The following CAGE1 variants were observed in gnomAD, a reference collection of about 807,000 sequenced individuals.
CAGE1 encodes cancer-associated gene 1 protein.
CAGE1 carries 66 observed loss-of-function variants against 94.9 expected under a neutral mutation model. The ratio of observed to expected loss-of-function variants is 0.70; its 90% CI spans 0.57 to 0.85. The LOEUF is 0.85. Ranked by LOEUF, CAGE1 falls within the 40% of genes least tolerant of loss-of-function variation. The probability of loss-of-function intolerance (pLI) is 0.00; values close to 1 mark genes in which losing one functional copy is unlikely to be tolerated. For missense variants in CAGE1, 865 were observed against 950.4 expected, an observed-to-expected ratio of 0.91 and a Z score of 1.18; for synonymous variants, 319 against 321.0, an observed-to-expected ratio of 0.99 and a Z score of 0.07.
At chr6:7,388,917 C>T (rs1761234237) in intron 1 of CAGE1, among the ~76,000 whole-genome samples, 1 of 152,160 alleles carries the variant, frequency 6.6e-6, no homozygotes, top group Non-Finnish European at 1.5e-5. Context: ...GTTTGTGAAC[C>T]CAGCACTTCC....
At chr6:7,367,306 T>G (rs954603743) in intron 7 of CAGE1, among the ~76,000 whole-genome samples, 1 of 144,478 alleles carries the variant, frequency 6.9e-6, no homozygotes, top group Admixed American at 6.9e-5. Flanking sequence ...CTTTTTGTTG[T>G]TATTGTTTGT....
intron 9 of CAGE1, among the ~76,000 whole-genome samples, chr6:7,356,836 G>A (rs762021031): frequency 6.6e-6 from 1 of 151,934 alleles, no homozygotes; most frequent in African/African-American, 2.4e-5. Context: ...AGTCTCTGTC[G>A]CCAAGGTTGG....
chr6:7,344,492 G>A (rs1409432452), intron 11 of CAGE1, among the ~76,000 whole-genome samples: 9 of 152,250 alleles, frequency 5.9e-5, no homozygotes, highest in Admixed American at 5.2e-4. Context: ...CCATGCCTGA[G>A]CCTCGCAACC....
At chr6:7,369,792 C>G (rs952653958) in intron 6 of CAGE1, 127 bp downstream of exon 6, 2 of 930,266 alleles carry the variant, frequency 2.1e-6, no homozygotes, top group African/African-American at 1.7e-5. Flanking sequence ...GCTTAGGGGT[C>G]TGTATTTTAT....
intron 3 of CAGE1, among the ~76,000 whole-genome samples, chr6:7,380,369 G>T (rs367873867): frequency 9.2e-5 from 14 of 152,254 alleles, no homozygotes; most frequent in South Asian, 4.1e-4. Context: ...GGACGCAGTG[G>T]TTTACGCCTG....
intron 1 of CAGE1, 72 bp downstream of exon 1, chr6:7,389,130 G>A: frequency 2.6e-6 from 1 of 384,710 alleles, no homozygotes; most frequent in South Asian, 1.9e-5. Context: ...AGTTAAAAGA[G>A]GTGTCACGGG....
chr6:7,352,922 G>C (rs564313904), intron 11 of CAGE1, among the ~76,000 whole-genome samples: 492 of 152,280 alleles, frequency 3.2e-3, no homozygotes, highest in Non-Finnish European at 5.5e-3. Flanking sequence ...TTAAATCTAA[G>C]TGCTGAAACT....
intron 3 of CAGE1, among the ~76,000 whole-genome samples, chr6:7,383,815 T>A (rs1310310626): frequency 6.6e-6 from 1 of 152,162 alleles, no homozygotes; most frequent in Non-Finnish European, 1.5e-5. Flanking sequence ...CAGGAAAGTT[T>A]TATAATGTTT....
intron 11 of CAGE1, among the ~76,000 whole-genome samples, chr6:7,349,054 C>G (rs1436946587): frequency 6.6e-6 from 1 of 152,122 alleles, no homozygotes; most frequent in African/African-American, 2.4e-5. Context: ...ACAAGAAGCA[C>G]AAAAAACACC....
Position 7,339,156 on chromosome 6 carries a change from A to G in CAGE1, c.2370-5066T>C. The G allele has an allele frequency of 6.6e-7, 1 of 1,526,262 alleles. No individual in the cohort carries two copies. The highest frequency in any genetic ancestry group is 2.2e-5 in the East Asian group (1 of 44,456). The allele number at this position is 1,526,262 out of a possible 1,614,324, so 94.5% of individuals were successfully genotyped here. A position where few individuals can be genotyped will look rare whatever the true frequency, so the allele number is the denominator to read the frequency against. ...TCTCTGTCCTCAGAGTTTCCCAGACACCACGACCTCACAGCCTTTGGCCCC... is the reference window on the plus strand; with the variant it reads ...TCTCTGTCCTCAGAGTTTCCCAGACGCCACGACCTCACAGCCTTTGGCCCC... On this transcript the variant is annotated intron_variant, in intron 11 of 13. Transcript: ENST00000502583. This position sits in a 1 kb window ranked among gnomAD's most constrained non-coding sequence, Gnocchi z 4.7.
chr6:7,335,058 G>A lies in CAGE1; in HGVS notation c.2370-968C>T, dbSNP rs144933229. ...TGGCCTCATCCAGCACCTGGAGGCC[G>A]TCCTCATTCCTGAGGGGGCTTGGCC... On this transcript the variant is annotated intron_variant, in intron 11 of 13. Coordinates refer to ENST00000502583, the MANE Select transcript of CAGE1 (RefSeq NM_001170692.2). Among the ~76,000 whole-genome samples the A allele has an allele frequency of 5.3e-5, 8 of 152,280 alleles. No individual in the cohort carries two copies. The East Asian group carries it at 1.2e-3, about 22-fold the overall frequency.
Position 7,378,511 on chromosome 6 carries a change from A to T in CAGE1, c.687+106T>A, listed in dbSNP as rs375585106. ...CTTTAATACTCCACAGGCTTTACTG[A>T]CCATCACAATCGTACCTCCTCTGCT... On this transcript the variant is annotated intron_variant, in intron 4 of 13. Coordinates refer to ENST00000502583, the MANE Select transcript of CAGE1 (RefSeq NM_001170692.2). 4 of 907,418 alleles carry T rather than the reference A, an allele frequency of 4.4e-6. No homozygotes were observed. In the African/African-American group the frequency reaches 5.0e-5, roughly 11 times the overall value. The allele number at this position is 907,418 out of a possible 1,614,324, so 56.2% of individuals were successfully genotyped here.
intron 9 of CAGE1, among the ~76,000 whole-genome samples, chr6:7,356,757 A>C (rs911389955): frequency 3.9e-5 from 6 of 152,216 alleles, no homozygotes; most frequent in Admixed American, 1.3e-4. Flanking sequence ...AACTATAAAC[A>C]TGAAATAACA....
intron 11 of CAGE1, among the ~76,000 whole-genome samples, chr6:7,345,655 C>T (rs957775291): frequency 2.0e-5 from 3 of 152,174 alleles, no homozygotes; most frequent in South Asian, 2.1e-4. Context: ...AGGCCCGGCG[C>T]AGTGGCTCAT....
chr6:7,344,695 G>A (rs1759360228), intron 11 of CAGE1, among the ~76,000 whole-genome samples: 1 of 152,248 alleles, frequency 6.6e-6, no homozygotes, highest in African/African-American at 2.4e-5. Context: ...CTGGTGGGAA[G>A]GTGGAGAACC....
chr6:7,331,672 A>C lies in CAGE1; in HGVS notation c.2439-1784T>G, dbSNP rs530321960. 14 of 199,284 alleles carry C rather than the reference A, an allele frequency of 7.0e-5. No individual in the cohort carries two copies. In the South Asian group the frequency reaches 7.7e-4, roughly 11 times the overall value. 12.3% of individuals were successfully genotyped at this position (199,284 alleles called of 1,614,324 possible). A position where few individuals can be genotyped will look rare whatever the true frequency, so the allele number is the denominator to read the frequency against. ...GGTGCAGGCGAGCTTGGCATAGGCA[A>C]ACATCTTAAACTCTTCGAGGTGGTG... On this transcript the variant is annotated intron_variant, in intron 12 of 13. Transcript: ENST00000502583.
At chr6:7,384,938 T>C (rs1281258575) in intron 3 of CAGE1, among the ~76,000 whole-genome samples, 1 of 152,174 alleles carries the variant, frequency 6.6e-6, no homozygotes, top group Non-Finnish European at 1.5e-5. Context: ...ACTCAAGCAA[T>C]CCTTCTGCCT....
chr6:7,367,619 A>G lies in CAGE1; in HGVS notation c.2004+1069T>C, dbSNP rs552840341. Among the ~76,000 whole-genome samples, 19 of 152,118 alleles carry G rather than the reference A, an allele frequency of 1.2e-4. 1 individual carries two copies. The highest frequency in any genetic ancestry group is 1.2e-3 in the Admixed American group (18 of 15,290). On this transcript the variant is annotated intron_variant, in intron 7 of 13. Transcript: ENST00000502583. ...CAACCTCAGTTGGGCTTATTTTTGA[A>G]AGCTGTTTAGAGGAGTAGAGGCCAG...
At chr6:7,352,344 G>A (rs376244855) in intron 11 of CAGE1, among the ~76,000 whole-genome samples, 12 of 132,002 alleles carry the variant, frequency 9.1e-5, no homozygotes, top group Admixed American at 5.4e-4. Flanking sequence ...CCAAAGAGTC[G>A]AAAGACCTCT....
Sources: allele counts gnomAD v4.1 joint callset (sites outside exome capture counted in the v4.1 genomes callset), GRCh38; gene constraint gnomAD v4.1.1; non-coding constraint Gnocchi (gnomAD v3.1); transcripts MANE v1.5; gene names NCBI Gene and HGNC (gene_info 2026-07-23, HGNC 2026-07-21).